Variants in C2CD3 observed in about 807,000 individuals in gnomAD.
C2CD3 encodes C2 domain-containing protein 3.
C2CD3 carries 148 observed loss-of-function variants against 234.0 expected under a neutral mutation model. That is an observed-to-expected ratio of 0.63 (90% CI 0.55 to 0.72). C2CD3 has a LOEUF of 0.72. C2CD3 is among the 30% of genes least tolerant of loss of function. The pLI, the probability that C2CD3 is intolerant of heterozygous loss-of-function variation, is 0.00. For missense variants in C2CD3, 2,577 were observed against 2,811.5 expected (o/e 0.92, Z 1.89); for synonymous variants, 1,000 against 1,035.4 (o/e 0.97, Z 0.66).
At position 74,103,294 on chromosome 11, in the gene C2CD3, T is replaced by C. The variant is rs751312843; in HGVS notation, c.2417A>G (p.His806Arg). 3 of 1,614,096 alleles carry C rather than the reference T, an allele frequency of 1.9e-6. No individual in the cohort carries two copies. The highest frequency in any genetic ancestry group is 1.3e-5 in the African/African-American group (1 of 74,938). The change falls in exon 14 of 33, where the codon CAT becomes CGT. Residue 806 changes from histidine (H) to arginine (R), a missense_variant. Physicochemically the swap from His to Arg is conservative, Grantham distance 29 (BLOSUM62 0). Transcript: ENST00000334126. The stretch of plus-strand genomic sequence containing the variant: ...CCCATCTGGCACCATCAACAGCACA[T>C]GCAACAGCAAAGCACTCTCTTTTGT... ...GTTKESALLLHVLLMVPDGKD... is the reference protein window; with the variant it reads ...GTTKESALLLRVLLMVPDGKD...
rs138770309 is a variant in C2CD3 at position 74,085,025 on chromosome 11, T to C, written c.3911-55A>G. ...TTTGATGGTCTATTCATCAAGGGGCTAGTTTACAGTATATCCACACAACCC... is the reference window on the plus strand; with the variant it reads ...TTTGATGGTCTATTCATCAAGGGGCCAGTTTACAGTATATCCACACAACCC... On this transcript the variant is annotated intron_variant, in intron 21 of 32. Transcript: ENST00000334126. 466 of 941,664 alleles carry C rather than the reference T, an allele frequency of 4.9e-4. 5 individuals carry two copies. In the Middle Eastern group the frequency reaches 7.5e-3, roughly 15 times the overall value. 58.3% of individuals were successfully genotyped at this position (941,664 alleles called of 1,614,324 possible).
intron 9 of C2CD3, among the ~76,000 whole-genome samples, chr11:74,116,863 C>T (rs111564995): frequency 3.0e-5 from 4 of 132,490 alleles, no homozygotes; most frequent in Non-Finnish European, 6.5e-5. Flanking sequence ...TGTGTATATA[C>T]ACGTGTATAT....
chr11:74,050,574 C>G (rs1212474325), intron 26 of C2CD3, among the ~76,000 whole-genome samples: 1 of 152,202 alleles, frequency 6.6e-6, no homozygotes, highest in Non-Finnish European at 1.5e-5. Flanking sequence ...CTACCAAACA[C>G]TGATACAACT....
At chr11:74,053,281 G>A (rs1450218781) in intron 26 of C2CD3, among the ~76,000 whole-genome samples, 3 of 152,200 alleles carry the variant, frequency 2.0e-5, no homozygotes, top group South Asian at 4.1e-4. Flanking sequence ...ATTATTGCTC[G>A]GTAATAAAAA....
intron 5 of C2CD3, among the ~76,000 whole-genome samples, chr11:74,135,699 C>T (rs1051331227): frequency 6.6e-6 from 1 of 152,072 alleles, no homozygotes; most frequent in African/African-American, 2.4e-5. Context: ...GTTATTAGTA[C>T]ATCAAAGACC....
chr11:74,091,358 T>G (rs1955887525), intron 19 of C2CD3: 1 of 156,376 alleles, frequency 6.4e-6, no homozygotes, highest in South Asian at 1.9e-4. Context: ...CATGCTACCT[T>G]TTTATAAAAC....
At position 74,090,890 on chromosome 11, in the gene C2CD3, T is replaced by C; in HGVS notation, c.3564A>G (p.Ala1188=). 2 of 1,614,008 alleles carry C rather than the reference T, an allele frequency of 1.2e-6. No homozygotes were observed. Among genetic ancestry groups the C allele is most frequent in the Non-Finnish European group, 8.5e-7 (1 of 1,179,858 alleles). ...GLRYRRSPRT[A]EGVLAARTVS... ...CAGTTCGGGCAGCAAGAACTCCCTCTGCTGTTCTTGGACTACGCCTGTACC... is the reference window on the plus strand; with the variant it reads ...CAGTTCGGGCAGCAAGAACTCCCTCCGCTGTTCTTGGACTACGCCTGTACC... The change falls in exon 20 of 33, where the codon GCA becomes GCG. Residue 1188 remains alanine, a synonymous_variant. Transcript: ENST00000334126.
At chr11:74,145,706 T>C (rs1288845667) in intron 3 of C2CD3, among the ~76,000 whole-genome samples, 1 of 152,224 alleles carries the variant, frequency 6.6e-6, no homozygotes, top group East Asian at 1.9e-4. Flanking sequence ...TCAGTCCATC[T>C]TGAGTTGATT....
Position 74,113,797 on chromosome 11 carries a change from C to A in C2CD3, c.1826G>T (p.Ser609Ile). The change falls in exon 11 of 33, where the codon AGT becomes ATT. Residue 609 changes from serine (S) to isoleucine (I), a missense_variant. By Grantham distance (142) the Ser-to-Ile change is moderately radical. Transcript: ENST00000334126. The stretch of plus-strand genomic sequence containing the variant: ...TCTCTTACTTCCATCTGTAATTTTA[C>A]TGGAGGCGAGTCGAACAACCTCAGT... The part of the protein sequence containing the change: ...LITEVVRLAS[S>I]KITDGKVKFQ... 1 of 1,597,522 alleles carries A rather than the reference C, an allele frequency of 6.3e-7. No individual in the cohort carries two copies. The highest frequency in any genetic ancestry group is 8.6e-7 in the Non-Finnish European group (1 of 1,167,858).
At chr11:74,132,555 C>G (rs545194799) in intron 7 of C2CD3, among the ~76,000 whole-genome samples, 1 of 152,184 alleles carries the variant, frequency 6.6e-6, no homozygotes, top group Non-Finnish European at 1.5e-5. Flanking sequence ...CCACTTGTAT[C>G]TGTTTAAAAT....
Position 74,048,323 on chromosome 11 carries a change from G to A in C2CD3, c.5377C>T (p.Pro1793Ser). The change falls in exon 28 of 33, where the codon CCC (proline) becomes TCC (serine). Residue 1793 changes from proline to serine, a missense_variant. Coordinates refer to ENST00000334126, the MANE Select transcript of C2CD3 (RefSeq NM_001286577.2). ...GTATCAGAGGCAGGGAAGGAAAAGG[G>A]ACTGTATATTGGGATCTGTAAACAC... ...TSKSLIPIYS[P>S]FSFPASDTYA... 1 of 1,613,648 alleles carries A rather than the reference G, an allele frequency of 6.2e-7. No homozygotes were observed. The highest frequency in any genetic ancestry group is 1.3e-5 in the African/African-American group (1 of 75,038).
chr11:74,024,483 G>A (rs1479037534), intron 32 of C2CD3, among the ~76,000 whole-genome samples: 1 of 152,126 alleles, frequency 6.6e-6, no homozygotes, highest in Non-Finnish European at 1.5e-5. Context: ...GTAAGTATGT[G>A]GGTAAACAGA....
chr11:74,149,987 G>A (rs530043075), intron 3 of C2CD3, among the ~76,000 whole-genome samples: 2 of 152,234 alleles, frequency 1.3e-5, no homozygotes, highest in South Asian at 4.1e-4. Context: ...CTATTGAGAA[G>A]TTTGAAGCCA....
At chr11:74,130,315 T>G (rs1957621860) in intron 7 of C2CD3, among the ~76,000 whole-genome samples, 1 of 151,798 alleles carries the variant, frequency 6.6e-6, no homozygotes, top group Non-Finnish European at 1.5e-5. Context: ...ATCCTTGAAC[T>G]CCTGGGCTCA....
chr11:74,092,333 G>T, intron 19 of C2CD3, 83 bp downstream of exon 19: 1 of 1,287,718 alleles, frequency 7.8e-7, no homozygotes, highest in Non-Finnish European at 1.1e-6. Context: ...GGGATTAGAG[G>T]TGTGAACCAC....
At chr11:74,032,666 G>A (rs1339286122) in intron 31 of C2CD3, among the ~76,000 whole-genome samples, 1 of 152,056 alleles carries the variant, frequency 6.6e-6, no homozygotes, top group Middle Eastern at 3.2e-3. Context: ...GAGGCCAGGA[G>A]TTTGAGACCA....
intron 32 of C2CD3, among the ~76,000 whole-genome samples, chr11:74,025,422 CCTGT>C (rs1279092504): frequency 2.6e-5 from 4 of 152,010 alleles, no homozygotes; most frequent in Admixed American, 2.6e-4. Flanking sequence ...ATGGTGAAAC[CCTGT>C]CTGTCTACTA....
intron 32 of C2CD3, among the ~76,000 whole-genome samples, chr11:74,015,127 T>C (rs1349373394): frequency 1.3e-5 from 2 of 152,210 alleles, no homozygotes; most frequent in South Asian, 4.1e-4. Context: ...AGCCTCTGCC[T>C]GTTGCTCTCC....
At chr11:74,042,262 CCAAT>C in intron 28 of C2CD3, 44 bp from the exon 29 acceptor site, 1 of 1,573,390 alleles carries the variant, frequency 6.4e-7, no homozygotes, top group East Asian at 2.2e-5. Flanking sequence ...AAATAAATTC[CCAAT>C]CAATGAGAAC....
Sources: allele counts gnomAD v4.1 joint callset (sites outside exome capture counted in the v4.1 genomes callset), GRCh38; gene constraint gnomAD v4.1.1; transcripts MANE v1.5; gene names NCBI Gene and HGNC (gene_info 2026-07-23, HGNC 2026-07-21).